PKHD1: variants seen among roughly 807,000 people sequenced by gnomAD.
The protein encoded by PKHD1 is PKHD1 ciliary IPT domain containing fibrocystin/polyductin, also known as fibrocystin.
A neutral mutation model predicts 412.0 loss-of-function variants in PKHD1; 291 were observed. The observed-to-expected ratio is 0.71, with a 90% confidence interval of 0.64 to 0.78. The LOEUF (loss-of-function observed/expected upper bound fraction) is 0.78, where lower values mean the gene tolerates loss of function less well. Ranked by LOEUF, PKHD1 falls within the 30% of genes least tolerant of loss-of-function variation. PKHD1 has a pLI of 0.00. For missense variants in PKHD1, 4,825 were observed against 4,950.7 expected (o/e 0.97, Z 0.76); for synonymous variants, 1,777 against 1,821.5 (o/e 0.98, Z 0.62).
intron 21 of PKHD1, among the ~76,000 whole-genome samples, chr6:52,052,316 C>A (rs915136173): frequency 6.6e-5 from 10 of 152,172 alleles, no homozygotes; most frequent in Admixed American, 5.2e-4. Context: ...CACACAGACA[C>A]CTCAGCAGGG....
chr6:51,990,352 T>C (rs1796905905), intron 35 of PKHD1, among the ~76,000 whole-genome samples: 1 of 152,226 alleles, frequency 6.6e-6, no homozygotes. Flanking sequence ...CTTGTGCAGA[T>C]GTTGCCTCTC....
At chr6:52,045,239 C>A in intron 24 of PKHD1, 151 bp from the exon 25 acceptor site, 1 of 774,680 alleles carries the variant, frequency 1.3e-6, no homozygotes, top group South Asian at 1.5e-5. Flanking sequence ...AATATAGAAA[C>A]GTAACAGTAA....
chr6:52,073,426 T>G (rs1340530342), intron 7 of PKHD1, 37 bp downstream of exon 7: 3 of 1,252,884 alleles, frequency 2.4e-6, no homozygotes, highest in African/African-American at 2.9e-5. Flanking sequence ...GCAGCATGTA[T>G]GTAACTAGTT....
At chr6:51,620,386 A>C (rs566213487) in intron 66 of PKHD1, among the ~76,000 whole-genome samples, 6 of 152,290 alleles carry the variant, frequency 3.9e-5, no homozygotes, top group Admixed American at 2.6e-4. Context: ...AAAGTTAAGA[A>C]TGTTCAGTGG....
At chr6:51,721,754 G>T in intron 60 of PKHD1, 1 of 1,402,838 alleles carries the variant, frequency 7.1e-7, no homozygotes, top group Non-Finnish European at 9.3e-7. Flanking sequence ...CCAAAGTCAG[G>T]AGTAAGCAAA....
At chr6:51,851,889 TG>T (rs1360392459) in intron 49 of PKHD1, among the ~76,000 whole-genome samples, 1 of 152,150 alleles carries the variant, frequency 6.6e-6, no homozygotes, top group Non-Finnish European at 1.5e-5. Flanking sequence ...GAGGGTTTTT[TG>T]TGTCTATAAC....
At chr6:51,874,917 G>A (rs1269693890) in intron 46 of PKHD1, among the ~76,000 whole-genome samples, 2 of 84,792 alleles carry the variant, frequency 2.4e-5, no homozygotes, top group Non-Finnish European at 4.3e-5. Context: ...CACCGTGCGC[G>A]AGCCGAAGCA....
intron 31 of PKHD1, 115 bp from the exon 32 acceptor site, chr6:52,026,296 A>T: frequency 2.0e-6 from 2 of 979,244 alleles, no homozygotes; most frequent in Non-Finnish European, 3.2e-6. Context: ...GTGTTAGTGA[A>T]ACCTCAATTA....
At chr6:51,624,254 T>C (rs1246826710) in intron 66 of PKHD1, among the ~76,000 whole-genome samples, 1 of 152,222 alleles carries the variant, frequency 6.6e-6, no homozygotes, top group Non-Finnish European at 1.5e-5. Flanking sequence ...CTGTTATTCC[T>C]GATTATTTTT....
At position 52,060,015 on chromosome 6, in the gene PKHD1, A is replaced by G. The variant is rs1808433907; in HGVS notation, c.1146T>C (p.Ala382=). 1 of 1,610,006 alleles carries G rather than the reference A, an allele frequency of 6.2e-7. No homozygotes were observed. The highest frequency in any genetic ancestry group is 8.5e-7 in the Non-Finnish European group (1 of 1,176,252). The change falls in exon 15 of 67, where the codon GCT becomes GCC. Residue 382 remains alanine, a synonymous_variant. Coordinates refer to ENST00000371117, the MANE Select transcript of PKHD1 (RefSeq NM_138694.4). ...AGAAAGTGTAATTATTTGTCTCTGG[A>G]GCCACAAAGAACCCACTGAGCCGTG... The part of the protein sequence containing the change: ...FRARLSGFFV[A]PETNNYTFWI...
chr6:51,705,857 T>G (rs1303530696), intron 60 of PKHD1, among the ~76,000 whole-genome samples: 1 of 152,162 alleles, frequency 6.6e-6, no homozygotes, highest in Admixed American at 6.6e-5. Context: ...GAAGGGCAAT[T>G]GTGATTAATC....
chr6:51,835,053 T>C (rs1167689478), intron 51 of PKHD1, among the ~76,000 whole-genome samples: 1 of 152,166 alleles, frequency 6.6e-6, no homozygotes, highest in African/African-American at 2.4e-5. Flanking sequence ...AACCCACAAC[T>C]CTATGAAGTA....
intron 60 of PKHD1, among the ~76,000 whole-genome samples, chr6:51,668,636 G>A (rs542642645): frequency 4.6e-5 from 7 of 152,258 alleles, no homozygotes; most frequent in Non-Finnish European, 8.8e-5. Context: ...TTTTCAAAGG[G>A]AATGCTTCCA....
chr6:51,690,026 C>G (rs886201977), intron 60 of PKHD1, among the ~76,000 whole-genome samples: 1 of 152,078 alleles, frequency 6.6e-6, no homozygotes, highest in African/African-American at 2.4e-5. Flanking sequence ...GTAATCCCAA[C>G]ACTTTGGGAG....
Position 52,024,844 on chromosome 6 carries a change from A to G in PKHD1, c.4966T>C (p.Phe1656Leu). 6.2e-7 allele frequency: 1 copy of G among 1,614,208 alleles called. No individual in the cohort carries two copies. ...HIGVIGYNKA[F>L]TPELISISQS... is the part of the protein sequence containing the mutation. ...GAAATAGAGATCAATTCTGGGGTAA[A>G]GGCCTTGTTATAACCAATGACTCCT... Residue 1656 changes from phenylalanine (F) to leucine (L), a missense_variant, in exon 32 of 67, where the codon TTT becomes CTT. Transcript: ENST00000371117.
intron 56 of PKHD1, 122 bp downstream of exon 56, chr6:51,754,662 T>A: frequency 1.2e-6 from 1 of 816,980 alleles, no homozygotes; most frequent in Middle Eastern, 2.3e-4. Context: ...TGAGTCTAGG[T>A]CAACAGGAAG....
At chr6:51,946,530 C>G (rs1358308638) in intron 36 of PKHD1, among the ~76,000 whole-genome samples, 1 of 152,166 alleles carries the variant, frequency 6.6e-6, no homozygotes, top group African/African-American at 2.4e-5. Flanking sequence ...AGGATAGTTA[C>G]TTGAGTATGG....
rs1199901697 is a variant in PKHD1 at position 51,748,411 on chromosome 6, T to C, written c.9205A>G (p.Thr3069Ala). 1.2e-6 allele frequency: 2 copies of C among 1,613,928 alleles called. No individual in the cohort carries two copies. ...TVTNNLVVLM[T>A]QPAWSTIWVA... is the part of the protein sequence containing the mutation. Reference sequence around the variant, plus strand: ...CAAATGGTGGACCACGCTGGCTGTGTCATCAGAACCACAAGGTTATTAGTG... The same window carrying C: ...CAAATGGTGGACCACGCTGGCTGTGCCATCAGAACCACAAGGTTATTAGTG... The change falls in exon 58 of 67, where the codon ACA becomes GCA. Residue 3069 changes from threonine (T) to alanine (A), a missense_variant. Transcript: ENST00000371117.
intron 1 of PKHD1, among the ~76,000 whole-genome samples, chr6:52,086,349 G>A (rs566389486): frequency 3.9e-5 from 6 of 152,058 alleles, no homozygotes; most frequent in Admixed American, 6.5e-5. Flanking sequence ...GGCCTCAAGT[G>A]ATCTCCCTGC....
Sources: allele counts gnomAD v4.1 joint callset (sites outside exome capture counted in the v4.1 genomes callset), GRCh38; gene constraint gnomAD v4.1.1; transcripts MANE v1.5; gene names NCBI Gene and HGNC (gene_info 2026-07-23, HGNC 2026-07-21).